The following GRID2 variants were observed in gnomAD, a reference collection of about 807,000 sequenced individuals.
GRID2 encodes glutamate receptor ionotropic, delta-2.
In GRID2, 33 loss-of-function variants were observed where a neutral mutation model predicts 114.8. The observed-to-expected ratio is 0.29, with a 90% confidence interval of 0.22 to 0.38. The LOEUF (loss-of-function observed/expected upper bound fraction) is 0.38. GRID2 is among the 10% of genes least tolerant of loss of function. The pLI, the probability that GRID2 is intolerant of heterozygous loss-of-function variation, is 1.00. For missense variants in GRID2, 1,184 were observed against 1,257.7 expected (o/e 0.94, Z 0.89); for synonymous variants, 505 against 449.9 (o/e 1.12, Z -1.55).
chr4:93,696,405 A>G (rs1376831757), intron 14 of GRID2, among the ~76,000 whole-genome samples: 2 of 152,134 alleles, frequency 1.3e-5, no homozygotes, highest in African/African-American at 4.8e-5. Context: ...TAACCTCCTA[A>G]TTATCTCACT....
chr4:92,572,580 A>G (rs181669759), intron 1 of GRID2, among the ~76,000 whole-genome samples: 1 of 152,214 alleles, frequency 6.6e-6, no homozygotes, highest in Non-Finnish European at 1.5e-5. Flanking sequence ...GAGATACAAC[A>G]AAAAAAGAGA....
chr4:93,538,691 A>G (rs1315056203), intron 13 of GRID2, among the ~76,000 whole-genome samples: 1 of 151,834 alleles, frequency 6.6e-6, no homozygotes, highest in African/African-American at 2.4e-5. Flanking sequence ...ACCCAAGTCT[A>G]ATCATGAGAA....
intron 2 of GRID2, among the ~76,000 whole-genome samples, chr4:92,896,804 G>A (rs964050835): frequency 7.9e-5 from 12 of 152,048 alleles, no homozygotes; most frequent in East Asian, 3.9e-4. Flanking sequence ...GTGCAGTGGC[G>A]CGATCTTTGC....
intron 2 of GRID2, among the ~76,000 whole-genome samples, chr4:92,595,272 A>G (rs886350606): frequency 6.6e-6 from 1 of 151,944 alleles, no homozygotes; most frequent in Non-Finnish European, 1.5e-5. Flanking sequence ...TAAAAACACA[A>G]GGTTTTTGAA....
At chr4:92,485,301 CATATATAT>C (rs34583484) in intron 1 of GRID2, among the ~76,000 whole-genome samples, 4,647 of 56,332 alleles carry the variant, frequency 0.082, 212 homozygotes, top group Non-Finnish European at 0.087. Flanking sequence ...AAGGTGTGTG[CATATATAT>C]ATATATATAT....
chr4:92,923,376 G>A (rs1749523568), intron 2 of GRID2, among the ~76,000 whole-genome samples: 1 of 151,970 alleles, frequency 6.6e-6, no homozygotes, highest in Non-Finnish European at 1.5e-5. Context: ...TTCCTTTAAA[G>A]CTTTTCAGAA....
At chr4:93,278,396 G>A (rs1033066361) in intron 8 of GRID2, among the ~76,000 whole-genome samples, 8 of 151,896 alleles carry the variant, frequency 5.3e-5, no homozygotes, top group Non-Finnish European at 1.2e-4. Flanking sequence ...AGAGATAGTC[G>A]TTAAAACTGT....
rs1204622045 is a variant in GRID2, at chr4:92,704,701, ATCTCTCTCTCTCTCTCTCTCTTTC to A, written c.244+114436_244+114459del. Among the ~76,000 whole-genome samples the A allele has an allele frequency of 2.6e-4, 29 of 113,704 alleles. No individual in the cohort carries two copies. The South Asian group carries it at 5.2e-3, about 20-fold the overall frequency. 74.6% of individuals were successfully genotyped at this position (113,704 alleles called of 152,430 possible). ...TCTTTTCTCCCCAATCAATCAATCA[ATCTCTCTCTCTCTCTCTCTCTTTC>A]TCTCTCTCTCTCTCTCTCTCCCTCC... On this transcript the variant is annotated intron_variant, in intron 2 of 15. Transcript: ENST00000282020.
intron 2 of GRID2, among the ~76,000 whole-genome samples, chr4:92,629,934 T>C (rs1049125680): frequency 1.4e-5 from 2 of 147,994 alleles, no homozygotes; most frequent in African/African-American, 4.9e-5. Context: ...ATAAATTATA[T>C]ATTTTATATT....
intron 2 of GRID2, among the ~76,000 whole-genome samples, chr4:92,824,185 G>T (rs1741505985): frequency 6.6e-6 from 1 of 152,118 alleles, no homozygotes; most frequent in South Asian, 2.1e-4. Flanking sequence ...ATTTTTGCCT[G>T]CTTAGGCTGA....
chr4:93,736,543 C>A lies in GRID2; in HGVS notation c.2361-32667C>A, dbSNP rs116110618. On this transcript the variant is annotated intron_variant, in intron 14 of 15. Coordinates refer to ENST00000282020, the MANE Select transcript of GRID2 (RefSeq NM_001510.4). ...AATGTGCTATTTAGCAGAAGGTAAG[C>A]CTGCTTACATTGTCAGGTTGATGTA... Among the ~76,000 whole-genome samples the A allele has an allele frequency of 2.6e-3, 396 of 152,042 alleles. 3 individuals are homozygous for A. Among genetic ancestry groups the A allele is most frequent in the African/African-American group, 9.2e-3 (382 of 41,508 alleles).
intron 1 of GRID2, among the ~76,000 whole-genome samples, chr4:92,432,054 C>CG (rs1732484163): frequency 6.6e-6 from 1 of 152,186 alleles, no homozygotes; most frequent in Non-Finnish European, 1.5e-5. Context: ...GTTTACCAGG[C>CG]GGGGAATCTT....
rs1445002387 is a variant in GRID2 at position 92,751,156 on chromosome 4, A to G, written c.244+160870A>G. On this transcript the variant is annotated intron_variant, in intron 2 of 15. Coordinates refer to ENST00000282020, the MANE Select transcript of GRID2 (RefSeq NM_001510.4). ...AATAATCAAATGCAGTAGAAAATGTATTAAGATAATAAAATATTGTTGACA... is the reference window on the plus strand; with the variant it reads ...AATAATCAAATGCAGTAGAAAATGTGTTAAGATAATAAAATATTGTTGACA... Among the ~76,000 whole-genome samples, 4 of 152,182 alleles carry G rather than the reference A, an allele frequency of 2.6e-5. No individual in the cohort carries two copies. In the South Asian group the frequency reaches 6.2e-4, roughly 24 times the overall value.
intron 13 of GRID2, among the ~76,000 whole-genome samples, chr4:93,522,891 C>G (rs923419705): frequency 6.6e-6 from 1 of 152,086 alleles, no homozygotes; most frequent in African/African-American, 2.4e-5. Flanking sequence ...AAAGAAAGTA[C>G]TGGAAAGAGA....
At chr4:93,531,400 A>G (rs972698955) in intron 13 of GRID2, among the ~76,000 whole-genome samples, 2 of 152,152 alleles carry the variant, frequency 1.3e-5, no homozygotes, top group Non-Finnish European at 2.9e-5. Flanking sequence ...CTTTTCTTAA[A>G]ATATTGCATA....
intron 2 of GRID2, among the ~76,000 whole-genome samples, chr4:93,075,671 G>T (rs1398992298): frequency 6.6e-6 from 1 of 151,876 alleles, no homozygotes; most frequent in East Asian, 1.9e-4. Flanking sequence ...TTCTGGCAAT[G>T]AAATTTGGAA....
intron 10 of GRID2, among the ~76,000 whole-genome samples, chr4:93,441,014 C>A (rs765425105): frequency 6.6e-6 from 1 of 151,962 alleles, no homozygotes; most frequent in Non-Finnish European, 1.5e-5. Flanking sequence ...CAAGGACAAA[C>A]AAAACTTCAG....
intron 9 of GRID2, among the ~76,000 whole-genome samples, chr4:93,402,484 T>C (rs1765992732): frequency 1.3e-5 from 2 of 152,114 alleles, no homozygotes; most frequent in South Asian, 4.1e-4. Flanking sequence ...AAAAAAAGCA[T>C]GAGTGATCAT....
intron 2 of GRID2, among the ~76,000 whole-genome samples, chr4:93,067,324 G>T (rs573534512): frequency 6.6e-6 from 1 of 152,072 alleles, no homozygotes; most frequent in African/African-American, 2.4e-5. Context: ...ACCTTTGATT[G>T]TGTAATTTAT....
Sources: allele counts gnomAD v4.1 joint callset (sites outside exome capture counted in the v4.1 genomes callset), GRCh38; gene constraint gnomAD v4.1.1; transcripts MANE v1.5; gene names NCBI Gene and HGNC (gene_info 2026-07-23, HGNC 2026-07-21).